Variants in ZNF66 observed in about 807,000 individuals in gnomAD.
The protein encoded by ZNF66 is zinc finger protein 66.
ZNF66 carries 32 observed loss-of-function variants against 35.2 expected under a neutral mutation model. That is an observed-to-expected ratio of 0.91 (90% CI 0.69 to 1.22). The LOEUF is 1.22. Among genes scored for constraint, ZNF66 ranks in the 50% most tolerant of loss-of-function variants. ZNF66 has a pLI of 0.00. For missense variants in ZNF66, 666 were observed against 543.1 expected, an observed-to-expected ratio of 1.23 and a Z score of -2.25; for synonymous variants, 231 against 181.3, an observed-to-expected ratio of 1.27 and a Z score of -2.20.
At chr19:20,799,061 C>CTTTTTTTTTTTTTTTTTTTT (rs374547894) in intron 3 of ZNF66, 4 of 116,702 alleles carry the variant, frequency 3.4e-5, no homozygotes, top group African/African-American at 3.3e-5. Context: ...CTTTTTCTTT[C>CTTTTTTTTTTTTTTTTTTTT]TTTCTTTTTT....
At chr19:20,799,506 G>A (rs1250735616) in intron 3 of ZNF66, 3 of 29,762 alleles carry the variant, frequency 1.0e-4, no homozygotes, top group African/African-American at 3.5e-4. Context: ...TGTTGGTATT[G>A]TGTTTTTTGT....
At chr19:20,789,299 G>A (rs1266122713) in intron 1 of ZNF66, among the ~76,000 whole-genome samples, 1 of 152,102 alleles carries the variant, frequency 6.6e-6, no homozygotes, top group East Asian at 1.9e-4. Context: ...CCTTTTTGGA[G>A]GCCTTATTTT....
intron 1 of ZNF66, among the ~76,000 whole-genome samples, chr19:20,784,257 C>G (rs1357984700): frequency 1.3e-5 from 2 of 152,024 alleles, no homozygotes; most frequent in African/African-American, 4.8e-5. Context: ...AGTGTTTTAA[C>G]TGAAGTATAG....
chr19:20,784,500 T>C (rs1194884367), intron 1 of ZNF66: 3 of 152,192 alleles, frequency 2.0e-5, no homozygotes, highest in Non-Finnish European at 4.4e-5. Flanking sequence ...AGACAGGTGA[T>C]GTGGCCACCC....
chr19:20,801,294 A>G (rs551826687), intron 3 of ZNF66, among the ~76,000 whole-genome samples: 129 of 151,286 alleles, frequency 8.5e-4, no homozygotes, highest in African/African-American at 3.1e-3. Context: ...GGCATTCTAT[A>G]TCTTTTTTTA....
At chr19:20,794,176 G>T in intron 3 of ZNF66, 2 of 400,754 alleles carry the variant, frequency 5.0e-6, no homozygotes, top group South Asian at 2.8e-5. Flanking sequence ...GCACAATCCA[G>T]CTGCTTTTTC....
chr19:20,777,493 C>A (rs1252056902), intron 1 of ZNF66, among the ~76,000 whole-genome samples: 1 of 133,624 alleles, frequency 7.5e-6, no homozygotes, highest in Non-Finnish European at 1.6e-5. Flanking sequence ...AATCCGGGGA[C>A]TAGAGCCTCT....
Position 20,806,087 on chromosome 19 carries a change from CATAAG to C in ZNF66, c.494_498del (p.Ile165ThrfsTer17), listed in dbSNP as rs749649446. 4 of 879,378 alleles carry C rather than the reference CATAAG, an allele frequency of 4.5e-6. No individual in the cohort carries two copies. Among genetic ancestry groups the C allele is most frequent in the African/African-American group, 3.3e-5 (2 of 60,438 alleles). 54.5% of individuals were successfully genotyped at this position (879,378 alleles called of 1,614,324 possible). A position where few individuals can be genotyped will look rare whatever the true frequency, so the allele number is the denominator to read the frequency against. ...TCATCAATTTTCAAATACAAACAGA[CATAAG>C]ATAAGACATACTGGAAAAAACCCTT... On this transcript the variant is annotated frameshift_variant, in exon 4 of 4. Coordinates refer to ENST00000344519, the MANE Select transcript of ZNF66 (RefSeq NM_001355197.2). LOFTEE classifies it high-confidence loss of function.
chr19:20,793,483 C>T (rs1971361828), intron 2 of ZNF66, among the ~76,000 whole-genome samples: 1 of 151,500 alleles, frequency 6.6e-6, no homozygotes, highest in Admixed American at 6.6e-5. Context: ...TCACTATGCT[C>T]CGCTAATTTT....
intron 3 of ZNF66, among the ~76,000 whole-genome samples, chr19:20,805,433 C>T (rs1254105024): frequency 6.6e-6 from 1 of 152,134 alleles, no homozygotes; most frequent in Non-Finnish European, 1.5e-5. Context: ...ACCTCATGAT[C>T]AACCCATGTC....
intron 3 of ZNF66, among the ~76,000 whole-genome samples, chr19:20,804,462 C>T (rs913752761): frequency 1.3e-5 from 2 of 152,036 alleles, no homozygotes; most frequent in African/African-American, 4.8e-5. Flanking sequence ...CCAGGCTAAT[C>T]TTGAACCTCT....
chr19:20,795,505 A>C (rs1445404250), intron 3 of ZNF66, among the ~76,000 whole-genome samples: 1 of 148,890 alleles, frequency 6.7e-6, no homozygotes, highest in Non-Finnish European at 1.5e-5. Context: ...GTAGCTGCAA[A>C]TACAGGCATG....
At chr19:20,777,297 T>C (rs1222758129) in intron 1 of ZNF66, among the ~76,000 whole-genome samples, 2 of 151,874 alleles carry the variant, frequency 1.3e-5, no homozygotes, top group Non-Finnish European at 2.9e-5. Flanking sequence ...TTCAATAATT[T>C]GTTAGGTTTA....
intron 3 of ZNF66, among the ~76,000 whole-genome samples, chr19:20,803,661 G>A (rs1202088842): frequency 2.6e-5 from 4 of 151,922 alleles, no homozygotes; most frequent in East Asian, 1.9e-4. Context: ...TTTTGTGTAT[G>A]TGCATATCTT....
rs1971566372 is a variant in ZNF66 at position 20,809,499 on chromosome 19, A to AGG, written c.*2178_*2179insGG. On this transcript the variant is annotated 3_prime_UTR_variant, in exon 4 of 4. Transcript: ENST00000344519. ...CTGACCTCTTGGCAGAAACTCTATA[A>AGG]GCCAGAAGAGAGTGGGGGCCAATAT... is the stretch of plus-strand genomic sequence containing the variant. Among the ~76,000 whole-genome samples the AGG allele has an allele frequency of 6.6e-6, 1 of 152,216 alleles. No individual in the cohort carries two copies. The highest frequency in any genetic ancestry group is 1.5e-5 in the Non-Finnish European group (1 of 68,050).
At chr19:20,793,018 GATC>G (rs1221354985) in intron 2 of ZNF66, among the ~76,000 whole-genome samples, 1 of 151,206 alleles carries the variant, frequency 6.6e-6, no homozygotes, top group Non-Finnish European at 1.5e-5. Context: ...AGTGAGTTGA[GATC>G]ATGACATTGC....
intron 3 of ZNF66, among the ~76,000 whole-genome samples, chr19:20,803,178 C>T (rs1437446299): frequency 4.0e-5 from 5 of 124,192 alleles, no homozygotes; most frequent in African/African-American, 1.2e-4. Context: ...TTTTAATAAA[C>T]CTTTTTATTT....
chr19:20,781,649 C>T (rs2144891600), intron 1 of ZNF66, among the ~76,000 whole-genome samples: 1 of 152,074 alleles, frequency 6.6e-6, no homozygotes, highest in East Asian at 2.0e-4. Context: ...GCTGGGATTA[C>T]AGGTGCATTC....
intron 3 of ZNF66, among the ~76,000 whole-genome samples, chr19:20,800,973 A>G (rs1235462923): frequency 6.6e-6 from 1 of 152,064 alleles, no homozygotes; most frequent in Non-Finnish European, 1.5e-5. Context: ...ACTTTTGTCA[A>G]TATTTGCTTT....
Sources: gnomAD v4.1 joint callset for allele counts (sites outside exome capture counted in the v4.1 genomes callset) on GRCh38, gnomAD v4.1.1 for gene constraint, MANE v1.5 for transcripts, NCBI Gene and HGNC (gene_info 2026-07-23, HGNC 2026-07-21) for gene names.